The following SNX29 variants were observed in gnomAD, a reference collection of about 807,000 sequenced individuals.
SNX29 encodes sorting nexin 29, also known as sorting nexin-29.
A neutral mutation model predicts 102.1 loss-of-function variants in SNX29; 78 were observed. The observed-to-expected ratio is 0.76, with a 90% CI of 0.64 to 0.92. The LOEUF is 0.92. Ranked by LOEUF, SNX29 falls within the 40% of genes least tolerant of loss-of-function variation. SNX29 has a pLI of 0.00. For synonymous variants in SNX29, 580 were observed against 414.5 expected (o/e 1.40, Z -4.85); for missense variants, 1,280 against 1,061.7 (o/e 1.21, Z -2.86).
intron 15 of SNX29, among the ~76,000 whole-genome samples, chr16:12,322,729 C>G (rs540698013): frequency 6.6e-6 from 1 of 151,432 alleles, no homozygotes; most frequent in African/African-American, 2.4e-5. Flanking sequence ...CTGGAGACCA[C>G]CGTCAGGATG....
At chr16:12,460,845 G>T (rs1056520075) in intron 18 of SNX29, among the ~76,000 whole-genome samples, 1 of 152,074 alleles carries the variant, frequency 6.6e-6, no homozygotes, top group African/African-American at 2.4e-5. Flanking sequence ...ACTTTTAGTA[G>T]AGAGAATTTC....
At chr16:12,374,522 G>C (rs1437940675) in intron 16 of SNX29, 2 of 152,384 alleles carry the variant, frequency 1.3e-5, no homozygotes, top group Non-Finnish European at 2.9e-5. Flanking sequence ...TCAGGGTCAG[G>C]TGTTGAATAA....
chr16:12,193,470 CA>C (rs369951476), intron 13 of SNX29, among the ~76,000 whole-genome samples: 3,713 of 137,410 alleles, frequency 0.027, 69 homozygotes, highest in African/African-American at 0.054. Flanking sequence ...ACTCCATCTT[CA>C]AAAAAAAAAA....
intron 14 of SNX29, among the ~76,000 whole-genome samples, chr16:12,203,101 C>A (rs2076954353): frequency 6.7e-6 from 1 of 149,562 alleles, no homozygotes; most frequent in Non-Finnish European, 1.5e-5. Flanking sequence ...TAGTGTGGCC[C>A]CATTCTCAGG....
chr16:12,061,582 G>A lies in SNX29; in HGVS notation c.1179G>A (p.Lys393=). ...AGATGCACAGCTGGGCTCCGCTGAA[G>A]GTGCTGCACAATGACTCCGACATCC... ...LSQMHSWAPL[K]VLHNDSDILF... Residue 393 remains lysine (K), a synonymous_variant, in exon 9 of 21, where the codon AAG becomes AAA. Transcript: ENST00000566228. 3 of 1,611,762 alleles carry A rather than the reference G, an allele frequency of 1.9e-6. No individual in the cohort carries two copies. The highest frequency in any genetic ancestry group is 1.7e-6 in the Non-Finnish European group (2 of 1,179,232).
chr16:12,439,084 C>T (rs930911948), intron 18 of SNX29, among the ~76,000 whole-genome samples: 12 of 152,322 alleles, frequency 7.9e-5, no homozygotes, highest in Non-Finnish European at 1.8e-4. Context: ...GCTTCCCTTC[C>T]CCAGCCTCCC....
At chr16:12,526,592 TGAG>T (rs1293469727) in intron 20 of SNX29, 3 of 531,832 alleles carry the variant, frequency 5.6e-6, no homozygotes, top group African/African-American at 3.7e-5. Flanking sequence ...ATAGTTCACG[TGAG>T]GAGTTCTCAT....
At chr16:12,521,332 C>T (rs1471087965) in intron 19 of SNX29, among the ~76,000 whole-genome samples, 23 of 152,092 alleles carry the variant, frequency 1.5e-4, no homozygotes. Context: ...GCTTAGGTTT[C>T]CAGGAAGCAG....
At chr16:12,538,963 A>G (rs1029841595) in intron 20 of SNX29, among the ~76,000 whole-genome samples, 2 of 152,216 alleles carry the variant, frequency 1.3e-5, no homozygotes, top group African/African-American at 4.8e-5. Context: ...ATGCTAAGGC[A>G]AGTGATATAA....
intron 15 of SNX29, among the ~76,000 whole-genome samples, chr16:12,286,333 A>T (rs1304894908): frequency 6.6e-6 from 1 of 151,346 alleles, no homozygotes; most frequent in Non-Finnish European, 1.5e-5. Context: ...AACAGGGCTA[A>T]ACCTCCAAGG....
chr16:12,179,361 T>G (rs1444565524), intron 13 of SNX29, among the ~76,000 whole-genome samples: 1 of 152,214 alleles, frequency 6.6e-6, no homozygotes, highest in African/African-American at 2.4e-5. Flanking sequence ...GGTGCACACC[T>G]GTAGGCCTAG....
chr16:12,456,310 G>A (rs2086534854), intron 18 of SNX29, among the ~76,000 whole-genome samples: 1 of 152,194 alleles, frequency 6.6e-6, no homozygotes, highest in Non-Finnish European at 1.5e-5. Context: ...AGCTGCGATT[G>A]CCTGCCATTT....
chr16:12,321,969 CTGTCGTG>C (rs2151178043), intron 15 of SNX29, among the ~76,000 whole-genome samples: 1 of 152,244 alleles, frequency 6.6e-6, no homozygotes, highest in African/African-American at 2.4e-5. Flanking sequence ...ATCAAAGCAC[CTGTCGTG>C]GTTCACGTGA....
chr16:12,010,915 T>C (rs1333850300), intron 3 of SNX29, among the ~76,000 whole-genome samples: 3 of 152,182 alleles, frequency 2.0e-5, no homozygotes, highest in Non-Finnish European at 2.9e-5. Flanking sequence ...AATGGCTTTT[T>C]CAGGCTTTTT....
At chr16:12,565,293 C>T (rs529886958) in intron 20 of SNX29, among the ~76,000 whole-genome samples, 3 of 152,178 alleles carry the variant, frequency 2.0e-5, no homozygotes, top group East Asian at 1.9e-4. Flanking sequence ...CAGCAGCCAC[C>T]AGCACTCTCC....
intron 19 of SNX29, among the ~76,000 whole-genome samples, chr16:12,514,292 T>C (rs143855787): frequency 4.0e-4 from 61 of 152,280 alleles, no homozygotes; most frequent in African/African-American, 1.4e-3. Flanking sequence ...GATTCTCTCA[T>C]GTGGCTTCCT....
chr16:12,046,373 T>C lies in SNX29; in HGVS notation c.429-11T>C. ...GCTAAGAACGATTTCCTTTTCTCTTTCAATCTGCAGCACTTTTTATGAAGA... is the reference window on the plus strand; with the variant it reads ...GCTAAGAACGATTTCCTTTTCTCTTCCAATCTGCAGCACTTTTTATGAAGA... On this transcript the variant is annotated splice_polypyrimidine_tract_variant and intron_variant, in intron 5 of 20. Transcript: ENST00000566228. 1 of 1,613,328 alleles carries C rather than the reference T, an allele frequency of 6.2e-7. No homozygotes were observed. The highest frequency in any genetic ancestry group is 1.1e-5 in the South Asian group (1 of 91,068).
intron 15 of SNX29, among the ~76,000 whole-genome samples, chr16:12,352,432 G>T (rs950874191): frequency 6.6e-6 from 1 of 152,042 alleles, no homozygotes; most frequent in African/African-American, 2.4e-5. Flanking sequence ...TGAGTTAATG[G>T]GTGCAGCACA....
At chr16:12,364,505 T>C (rs1400396563) in intron 16 of SNX29, among the ~76,000 whole-genome samples, 1 of 152,102 alleles carries the variant, frequency 6.6e-6, no homozygotes, top group Non-Finnish European at 1.5e-5. Context: ...CTGGAGATTT[T>C]TACCTTTTAG....
Sources: gnomAD v4.1 joint callset for allele counts (sites outside exome capture counted in the v4.1 genomes callset) on GRCh38, gnomAD v4.1.1 for gene constraint, MANE v1.5 for transcripts, NCBI Gene and HGNC (gene_info 2026-07-23, HGNC 2026-07-21) for gene names.